Variants in CHCHD6 observed in about 807,000 individuals in gnomAD.
The protein encoded by CHCHD6 is coiled-coil-helix-coiled-coil-helix domain containing 6.
A neutral mutation model predicts 32.3 loss-of-function variants in CHCHD6; 28 were observed. The observed-to-expected ratio is 0.87, with a 90% CI of 0.64 to 1.19. The LOEUF (loss-of-function observed/expected upper bound fraction) is 1.19. CHCHD6 is among the 50% of genes most tolerant of loss of function. CHCHD6 has a pLI of 0.00. For missense variants in CHCHD6, 333 were observed against 307.0 expected, an observed-to-expected ratio of 1.08 and a Z score of -0.63; for synonymous variants, 122 against 117.5, an observed-to-expected ratio of 1.04 and a Z score of -0.25.
At chr3:126,775,251 A>C (rs1243449896) in intron 4 of CHCHD6, among the ~76,000 whole-genome samples, 1 of 152,228 alleles carries the variant, frequency 6.6e-6, no homozygotes, top group Non-Finnish European at 1.5e-5. Flanking sequence ...TGTGGCCAGC[A>C]CTGAGTCCTA....
chr3:126,736,103 G>T (rs1472022009), intron 4 of CHCHD6, among the ~76,000 whole-genome samples: 1 of 152,242 alleles, frequency 6.6e-6, no homozygotes, highest in Non-Finnish European at 1.5e-5. Context: ...AGTGCTTTTA[G>T]TGGAGGTAAA....
chr3:126,861,342 C>T lies in CHCHD6; in HGVS notation c.495+8612C>T, dbSNP rs187180374. ...CAACGTGTGTACTAACCGTTATAAC[C>T]TCAACCAAGTGATTTACTCCTTACT... is the stretch of plus-strand genomic sequence containing the variant. On this transcript the variant is annotated intron_variant, in intron 5 of 7. Transcript: ENST00000290913. Among the ~76,000 whole-genome samples, 126 of 152,108 alleles carry T rather than the reference C, an allele frequency of 8.3e-4. 1 individual carries two copies. Among genetic ancestry groups the T allele is most frequent in the African/African-American group, 3.0e-3 (126 of 41,432 alleles).
chr3:126,831,787 C>T (rs1414548082), intron 4 of CHCHD6, among the ~76,000 whole-genome samples: 1 of 152,112 alleles, frequency 6.6e-6, no homozygotes. Flanking sequence ...CATCCTTTAC[C>T]CCCAACTCCT....
chr3:126,734,384 C>T (rs1398381865), intron 4 of CHCHD6, among the ~76,000 whole-genome samples: 1 of 152,166 alleles, frequency 6.6e-6, no homozygotes, highest in African/African-American at 2.4e-5. Flanking sequence ...GGTGGGTAGC[C>T]TCGTACACAC....
At chr3:126,803,551 C>T (rs1326493513) in intron 4 of CHCHD6, among the ~76,000 whole-genome samples, 5 of 152,114 alleles carry the variant, frequency 3.3e-5, no homozygotes, top group Non-Finnish European at 7.3e-5. Context: ...ACAGGAGCAC[C>T]CAGATTCATA....
At chr3:126,938,861 C>T (rs1229015967) in intron 6 of CHCHD6, among the ~76,000 whole-genome samples, 1 of 152,108 alleles carries the variant, frequency 6.6e-6, no homozygotes. Flanking sequence ...CCACCGGCAG[C>T]GATCTTCACC....
intron 5 of CHCHD6, among the ~76,000 whole-genome samples, chr3:126,889,311 C>A (rs939578660): frequency 6.6e-6 from 1 of 152,242 alleles, no homozygotes; most frequent in Admixed American, 6.5e-5. Context: ...ACTGATGTGT[C>A]ACTGAGAAGG....
At chr3:126,893,086 A>G (rs1446079635) in intron 5 of CHCHD6, among the ~76,000 whole-genome samples, 1 of 151,998 alleles carries the variant, frequency 6.6e-6, no homozygotes, top group Non-Finnish European at 1.5e-5. Flanking sequence ...CTCCTGCCTC[A>G]GCCTCCCAAG....
intron 5 of CHCHD6, among the ~76,000 whole-genome samples, chr3:126,879,084 C>T (rs968102086): frequency 3.9e-5 from 6 of 152,198 alleles, no homozygotes; most frequent in Non-Finnish European, 5.9e-5. Flanking sequence ...TCTAGGCTTC[C>T]ACATTATGTG....
At chr3:126,896,548 C>G (rs1396524989) in intron 5 of CHCHD6, among the ~76,000 whole-genome samples, 1 of 152,188 alleles carries the variant, frequency 6.6e-6, no homozygotes, top group Non-Finnish European at 1.5e-5. Flanking sequence ...TCAATCCACC[C>G]TAATGACTTC....
At chr3:126,766,735 G>T in intron 4 of CHCHD6, 4 of 1,163,468 alleles carry the variant, frequency 3.4e-6, no homozygotes, top group Non-Finnish European at 5.2e-6. Flanking sequence ...CACTGCTTTT[G>T]GGTATGTGGT....
At chr3:126,840,984 G>A (rs184504799) in intron 4 of CHCHD6, among the ~76,000 whole-genome samples, 69 of 151,984 alleles carry the variant, frequency 4.5e-4, no homozygotes, top group Non-Finnish European at 7.5e-4. Flanking sequence ...ATGTTGGTGC[G>A]CTGCACCCAC....
At chr3:126,776,424 T>C (rs116098453) in intron 4 of CHCHD6, among the ~76,000 whole-genome samples, 1 of 152,174 alleles carries the variant, frequency 6.6e-6, no homozygotes, top group Admixed American at 6.5e-5. Flanking sequence ...CTCAGCTCAG[T>C]AAAGTGAGGC....
intron 7 of CHCHD6, among the ~76,000 whole-genome samples, chr3:126,959,601 G>A (rs1428224265): frequency 6.6e-6 from 1 of 152,228 alleles, no homozygotes; most frequent in Non-Finnish European, 1.5e-5. Flanking sequence ...GGGTGGGGCA[G>A]CACTGCTTCT....
At chr3:126,895,889 C>G (rs1381414197) in intron 5 of CHCHD6, among the ~76,000 whole-genome samples, 1 of 152,238 alleles carries the variant, frequency 6.6e-6, no homozygotes, top group African/African-American at 2.4e-5. Context: ...GAGATGGGAC[C>G]TCTTGCCTCT....
chr3:126,774,300 G>C (rs1450767409), intron 4 of CHCHD6, among the ~76,000 whole-genome samples: 1 of 152,132 alleles, frequency 6.6e-6, no homozygotes, highest in East Asian at 1.9e-4. Context: ...ATGCCCTTTT[G>C]CAAAGGCTTT....
At chr3:126,843,043 T>G (rs1188836609) in intron 4 of CHCHD6, among the ~76,000 whole-genome samples, 1 of 151,956 alleles carries the variant, frequency 6.6e-6, no homozygotes, top group Non-Finnish European at 1.5e-5. Context: ...AAGCATGATA[T>G]TATATATAGA....
chr3:126,882,998 G>A (rs1243131431), intron 5 of CHCHD6, among the ~76,000 whole-genome samples: 1 of 152,166 alleles, frequency 6.6e-6, no homozygotes, highest in African/African-American at 2.4e-5. Flanking sequence ...CTCTGGGGAA[G>A]GGAAAGGGGC....
intron 1 of CHCHD6, among the ~76,000 whole-genome samples, chr3:126,725,323 T>G (rs1201259795): frequency 6.6e-6 from 1 of 152,248 alleles, no homozygotes; most frequent in Admixed American, 6.5e-5. Flanking sequence ...ACCAGGTGCA[T>G]TGTCAAGGAG....
Sources: allele counts gnomAD v4.1 joint callset (sites outside exome capture counted in the v4.1 genomes callset), GRCh38; gene constraint gnomAD v4.1.1; transcripts MANE v1.5; gene names NCBI Gene and HGNC (gene_info 2026-07-23, HGNC 2026-07-21).